The following CMC1 variants were observed in gnomAD, a reference collection of about 807,000 sequenced individuals.
CMC1 encodes C-X9-C motif containing 1, also known as COX assembly mitochondrial protein homolog.
CMC1 carries 14 observed loss-of-function variants against 14.1 expected under a neutral mutation model. The ratio of observed to expected loss-of-function variants is 0.99; its 90% CI spans 0.66 to 1.55. The LOEUF is 1.55. Among genes scored for constraint, CMC1 ranks in the 40% most tolerant of loss-of-function variants. The pLI is 0.00. For synonymous variants in CMC1, 50 were observed against 38.4 expected, an observed-to-expected ratio of 1.30 and a Z score of -1.12; for missense variants, 127 against 123.8, an observed-to-expected ratio of 1.03 and a Z score of -0.12.
chr3:28,316,496 A>T lies in CMC1; in HGVS notation c.200+73A>T. ...ATAAGAGTATGTTACTTAACTCATT[A>T]CATGTAATATATTCTGTACCTCTCC... On this transcript the variant is annotated intron_variant, in intron 3 of 3. Transcript: ENST00000466830. The T allele has an allele frequency of 7.8e-6, 6 of 773,348 alleles. No individual in the cohort carries two copies. The South Asian group carries it at 1.2e-4, about 15-fold the overall frequency. The allele number at this position is 773,348 out of a possible 1,614,324, so 47.9% of individuals were successfully genotyped here. A position where few individuals can be genotyped will look rare whatever the true frequency, so the allele number is the denominator to read the frequency against.
At chr3:28,281,153 A>G (rs1431804203) in intron 2 of CMC1, among the ~76,000 whole-genome samples, 1 of 152,220 alleles carries the variant, frequency 6.6e-6, no homozygotes. Flanking sequence ...ATGAATACTT[A>G]CCATGTATCC....
intron 2 of CMC1, among the ~76,000 whole-genome samples, chr3:28,305,253 A>T (rs1318724355): frequency 6.6e-6 from 1 of 152,078 alleles, no homozygotes; most frequent in Non-Finnish European, 1.5e-5. Context: ...GCTGCAAAGG[A>T]TGTGTTTTCG....
chr3:28,301,996 G>A (rs1702074514), intron 2 of CMC1, among the ~76,000 whole-genome samples: 1 of 152,074 alleles, frequency 6.6e-6, no homozygotes, highest in Admixed American at 6.5e-5. Flanking sequence ...GTAAGATGGA[G>A]TAGGAAACAC....
chr3:28,324,102 G>T lies in CMC1; in HGVS notation c.*4473G>T. 6.2e-7 allele frequency: 1 copy of T among 1,610,128 alleles called. No individual in the cohort carries two copies. The highest frequency in any genetic ancestry group is 8.5e-7 in the Non-Finnish European group (1 of 1,177,296). Reference sequence around the variant, plus strand: ...CCAAGTAATGCAGTGGTGGAAGGTTGGGTAAAGGCAAAGTTTTAGTTTTAG... The same window carrying T: ...CCAAGTAATGCAGTGGTGGAAGGTTTGGTAAAGGCAAAGTTTTAGTTTTAG... On this transcript the variant is annotated 3_prime_UTR_variant, in exon 4 of 4. Coordinates refer to ENST00000466830, the MANE Select transcript of CMC1 (RefSeq NM_182523.2).
intron 2 of CMC1, among the ~76,000 whole-genome samples, chr3:28,308,563 A>G (rs1310594225): frequency 2.0e-5 from 3 of 152,242 alleles, no homozygotes; most frequent in African/African-American, 7.2e-5. Context: ...CGAAGATCAA[A>G]TGATCCTAGT....
chr3:28,301,639 T>TA (rs1559437422), intron 2 of CMC1, among the ~76,000 whole-genome samples: 3,569 of 148,822 alleles, frequency 0.024, 150 homozygotes, highest in African/African-American at 0.088. Flanking sequence ...TTTTTTTTTT[T>TA]TAAAAAAATA....
intron 2 of CMC1, among the ~76,000 whole-genome samples, chr3:28,268,074 T>C (rs1423123331): frequency 6.6e-6 from 1 of 152,174 alleles, no homozygotes; most frequent in Non-Finnish European, 1.5e-5. Context: ...ATATGATGAA[T>C]AGCTGTTATA....
intron 2 of CMC1, among the ~76,000 whole-genome samples, chr3:28,314,287 C>T (rs141904439): frequency 5.0e-4 from 76 of 152,232 alleles, no homozygotes; most frequent in African/African-American, 1.4e-3. Context: ...TTTAGATAGC[C>T]ATGTGGCTAC....
chr3:28,299,789 A>G (rs757702563), intron 2 of CMC1, among the ~76,000 whole-genome samples: 1 of 152,150 alleles, frequency 6.6e-6, no homozygotes, highest in Non-Finnish European at 1.5e-5. Flanking sequence ...GAAAGTGAGC[A>G]ATTCAGAAGT....
chr3:28,249,598 AC>A (rs1162280621), intron 1 of CMC1, among the ~76,000 whole-genome samples: 2 of 152,114 alleles, frequency 1.3e-5, no homozygotes, highest in Admixed American at 1.3e-4. Flanking sequence ...CCTGGCTTTT[AC>A]CCCAGCATTT....
intron 2 of CMC1, among the ~76,000 whole-genome samples, chr3:28,281,551 C>T (rs1439203927): frequency 6.6e-6 from 1 of 152,052 alleles, no homozygotes; most frequent in African/African-American, 2.4e-5. Flanking sequence ...TATTGGTTGC[C>T]TATCACATGT....
rs988519598 is a variant in CMC1 at position 28,320,802 on chromosome 3, T to C, written c.*1173T>C. The C allele has an allele frequency of 6.7e-6, 1 of 149,324 alleles. No individual in the cohort carries two copies. The highest frequency in any genetic ancestry group is 1.5e-5 in the Non-Finnish European group (1 of 66,444). The allele number at this position is 149,324 out of a possible 1,614,324, so 9.2% of individuals were successfully genotyped here. A position where few individuals can be genotyped will look rare whatever the true frequency, so the allele number is the denominator to read the frequency against. ...AAATTTATGTCCCAATTTAATAATT[T>C]GAGCTTTTATATTAAAAGTTATTTT... On this transcript the variant is annotated 3_prime_UTR_variant, in exon 4 of 4. Transcript: ENST00000466830.
chr3:28,292,372 A>T (rs918305308), intron 2 of CMC1, among the ~76,000 whole-genome samples: 64 of 152,046 alleles, frequency 4.2e-4, no homozygotes, highest in African/African-American at 1.4e-3. Flanking sequence ...TAGCATGAAG[A>T]CTAGTTTTTT....
chr3:28,243,981 CAG>C (rs1401384949), intron 1 of CMC1, among the ~76,000 whole-genome samples: 1 of 152,124 alleles, frequency 6.6e-6, no homozygotes, highest in Non-Finnish European at 1.5e-5. Context: ...GGAAGCTAGG[CAG>C]AGTGTGCTTG....
intron 2 of CMC1, among the ~76,000 whole-genome samples, chr3:28,303,416 A>G (rs559080660): frequency 7.9e-5 from 12 of 152,264 alleles, no homozygotes; most frequent in African/African-American, 2.6e-4. Flanking sequence ...TTAATCTCAA[A>G]CTTATATTCT....
chr3:28,324,247 G>C lies in CMC1; in HGVS notation c.*4618G>C. Reference sequence around the variant, plus strand: ...AAAGCATGTACCATCATTAGGAATGGATCTCTCATTGTCTGTCCATGATTG... The same window carrying C: ...AAAGCATGTACCATCATTAGGAATGCATCTCTCATTGTCTGTCCATGATTG... On this transcript the variant is annotated 3_prime_UTR_variant, in exon 4 of 4. Coordinates refer to ENST00000466830, the MANE Select transcript of CMC1 (RefSeq NM_182523.2). 6.2e-7 allele frequency: 1 copy of C among 1,610,156 alleles called. No homozygotes were observed. Among genetic ancestry groups the C allele is most frequent in the South Asian group, 1.1e-5 (1 of 90,922 alleles).
intron 2 of CMC1, among the ~76,000 whole-genome samples, chr3:28,275,400 G>T (rs181177650): frequency 7.1e-6 from 1 of 140,452 alleles, no homozygotes; most frequent in Admixed American, 7.6e-5. Context: ...CTCGGGGTCC[G>T]CTTCAGACCC....
chr3:28,270,489 TTGCATTTCTTCAA>T (rs1332587023), intron 2 of CMC1, among the ~76,000 whole-genome samples: 1 of 152,192 alleles, frequency 6.6e-6, no homozygotes, highest in Non-Finnish European at 1.5e-5. Context: ...TGATTTTGAT[TTGCATTTCTTCAA>T]TGACCAGTGA....
intron 2 of CMC1, among the ~76,000 whole-genome samples, chr3:28,279,813 A>T (rs1381778513): frequency 1.3e-5 from 2 of 152,236 alleles, no homozygotes; most frequent in African/African-American, 2.4e-5. Flanking sequence ...ACATAAGGAC[A>T]ACCTTCATGT....
Sources: gnomAD v4.1 joint callset for allele counts (sites outside exome capture counted in the v4.1 genomes callset) on GRCh38, gnomAD v4.1.1 for gene constraint, MANE v1.5 for transcripts, NCBI Gene and HGNC (gene_info 2026-07-23, HGNC 2026-07-21) for gene names.